EBF3: variants seen among roughly 807,000 people sequenced by gnomAD.
EBF3 encodes the protein EBF transcription factor 3.
EBF3 carries 18 observed loss-of-function variants against 77.1 expected under a neutral mutation model. The observed-to-expected ratio is 0.23, with a 90% CI of 0.16 to 0.35. The LOEUF (loss-of-function observed/expected upper bound fraction) is 0.35, where lower values mean the gene tolerates loss of function less well. Among genes scored for constraint, EBF3 ranks in the 10% least tolerant of loss-of-function variants. The pLI is 1.00. For synonymous variants in EBF3, 350 were observed against 343.5 expected (o/e 1.02, Z -0.21); for missense variants, 558 against 860.0 (o/e 0.65, Z 4.39).
chr10:129,887,602 C>T (rs190323436), intron 6 of EBF3, among the ~76,000 whole-genome samples: 26 of 152,220 alleles, frequency 1.7e-4, no homozygotes, highest in African/African-American at 5.1e-4. Context: ...AGCAAAGATC[C>T]GTGTTTCTGA....
At chr10:129,840,736 T>C (rs1849976665) in intron 14 of EBF3, 108 bp downstream of exon 14, 3 of 1,460,118 alleles carry the variant, frequency 2.1e-6, no homozygotes, top group South Asian at 2.7e-5. Context: ...GGGCCACCCT[T>C]CCTTTTATCC....
intron 6 of EBF3, among the ~76,000 whole-genome samples, chr10:129,940,992 C>A (rs1857695210): frequency 6.6e-6 from 1 of 152,212 alleles, no homozygotes; most frequent in Non-Finnish European, 1.5e-5. Flanking sequence ...ATGGGACCCA[C>A]CCCAGCAGTG....
In EBF3 at chr10:129,868,737, C is replaced by T. The variant is rs142299579; in HGVS notation, c.782-825G>A. ...GCCCTCGGCAGCCTTGAGCAGGAGG[C>T]CAGGGCCGGGGCTGAGGGCTGCAGG... On this transcript the variant is annotated intron_variant, in intron 8 of 16. Coordinates refer to ENST00000440978, the MANE Select transcript of EBF3 (RefSeq NM_001375380.1). Among the ~76,000 whole-genome samples, 460 of 152,372 alleles carry T rather than the reference C, an allele frequency of 3.0e-3. 3 individuals carry two copies. Among genetic ancestry groups the T allele is most frequent in the Middle Eastern group, 0.01 (3 of 294 alleles).
intron 6 of EBF3, among the ~76,000 whole-genome samples, chr10:129,881,289 C>T (rs1011200371): frequency 6.6e-6 from 1 of 152,190 alleles, no homozygotes; most frequent in African/African-American, 2.4e-5. Flanking sequence ...GTGTGTCTCT[C>T]GTTGCATCTG....
chr10:129,873,564 G>A lies in EBF3; in HGVS notation c.669C>T (p.Gly223=). 6.4e-7 allele frequency: 1 copy of A among 1,568,174 alleles called. No homozygotes were observed. The highest frequency in any genetic ancestry group is 8.7e-7 in the Non-Finnish European group (1 of 1,154,820). Residue 223 remains glycine, a synonymous_variant, in exon 8 of 17, where the codon GGC becomes GGT. Coordinates refer to ENST00000440978, the MANE Select transcript of EBF3 (RefSeq NM_001375380.1). The part of the protein sequence containing the change: ...VVVSTTVNVD[G]HVLAVSDNMF... ...TGTTGTCTGACACGGCCAGCACGTG[G>A]CCGTCCACGTTGACTGTTGTCGATA...
intron 6 of EBF3, among the ~76,000 whole-genome samples, chr10:129,913,464 T>C (rs1307196988): frequency 6.6e-6 from 1 of 152,236 alleles, no homozygotes; most frequent in African/African-American, 2.4e-5. Context: ...TAAACATGGA[T>C]AGTTTATTGC....
At chr10:129,910,447 C>A (rs1855449576) in intron 6 of EBF3, among the ~76,000 whole-genome samples, 1 of 152,300 alleles carries the variant, frequency 6.6e-6, no homozygotes, top group Admixed American at 6.5e-5. Flanking sequence ...TATATATTCA[C>A]AAACCAAGTC....
At chr10:129,840,117 AG>A in intron 15 of EBF3, 127 bp downstream of exon 15, 1 of 1,253,772 alleles carries the variant, frequency 8.0e-7, no homozygotes, top group Non-Finnish European at 1.1e-6. Context: ...GCACGCATCA[AG>A]GTGGGCCACG....
chr10:129,954,845 T>G (rs1858926636), intron 6 of EBF3, among the ~76,000 whole-genome samples: 1 of 152,128 alleles, frequency 6.6e-6, no homozygotes, highest in Admixed American at 6.5e-5. Flanking sequence ...GGTGGGACAT[T>G]TTATTCTGCA....
chr10:129,851,815 T>G, intron 10 of EBF3, among the ~76,000 whole-genome samples: 1 of 152,238 alleles, frequency 6.6e-6, no homozygotes, highest in East Asian at 1.9e-4. Context: ...ATCTCTTTAT[T>G]AACCGTGCCA....
chr10:129,943,344 A>G lies in EBF3; in HGVS notation c.554+13914T>C, dbSNP rs549210277. On this transcript the variant is annotated intron_variant, in intron 6 of 16. Transcript: ENST00000440978. The surrounding 1 kb of genome is among the most constrained non-coding windows in gnomAD (Gnocchi z 8.8). ...AAATTGGATTTGCCCTATCACAAAA[A>G]AAATTAATTCCAGATTGTAGTTATT... Among the ~76,000 whole-genome samples the G allele has an allele frequency of 6.6e-6, 1 of 152,264 alleles. No homozygotes were observed. The highest frequency in any genetic ancestry group is 1.5e-5 in the Non-Finnish European group (1 of 68,042).
At chr10:129,903,869 C>T (rs2134255858) in intron 6 of EBF3, among the ~76,000 whole-genome samples, 1 of 152,220 alleles carries the variant, frequency 6.6e-6, no homozygotes, top group South Asian at 2.1e-4. Flanking sequence ...AGAATTCAAT[C>T]CTAAAGTTGA....
At chr10:129,908,333 C>T (rs933232614) in intron 6 of EBF3, among the ~76,000 whole-genome samples, 1 of 152,174 alleles carries the variant, frequency 6.6e-6, no homozygotes, top group Non-Finnish European at 1.5e-5. Flanking sequence ...ATAAAGTGGA[C>T]AATTACTATT....
At chr10:129,925,462 C>A (rs1443628631) in intron 6 of EBF3, among the ~76,000 whole-genome samples, 1 of 151,776 alleles carries the variant, frequency 6.6e-6, no homozygotes, top group Admixed American at 6.6e-5. Flanking sequence ...CGTGGTGGTG[C>A]ATGCCTGTAA....
rs1850011075 is a variant in EBF3, at chr10:129,841,049, C to CCA, written c.1373-18_1373-17insTG. The CCA allele has an allele frequency of 3.7e-6, 6 of 1,604,718 alleles. No individual in the cohort carries two copies. The East Asian group carries it at 1.3e-4, about 36-fold the overall frequency. On this transcript the variant is annotated splice_polypyrimidine_tract_variant and intron_variant, in intron 13 of 16. Transcript: ENST00000440978. The surrounding 1 kb of genome is among the most constrained non-coding windows in gnomAD (Gnocchi z 4.6). ...TGTAGCCGACTGTTGAAATCCCCCC[C>CCA]CCGGCCAAAAATAACATTATTATCA...
chr10:129,929,317 A>T (rs992295988), intron 6 of EBF3, among the ~76,000 whole-genome samples: 1 of 152,006 alleles, frequency 6.6e-6, no homozygotes, highest in Non-Finnish European at 1.5e-5. Context: ...CCATCCTCCA[A>T]CCTCAGCCTC....
rs1589886859 is a variant in EBF3, at chr10:129,930,522, A to G, written c.554+26736T>C. ...TCTATATCTGTCTATATCTATCTCT[A>G]TATTAACAAATCCCCCTCTCATATA... On this transcript the variant is annotated intron_variant, in intron 6 of 16. Coordinates refer to ENST00000440978, the MANE Select transcript of EBF3 (RefSeq NM_001375380.1). 4.1e-5 allele frequency among the ~76,000 whole-genome samples: 6 copies of G among 147,502 alleles called. No homozygotes were observed. In the South Asian group the frequency reaches 1.1e-3, roughly 27 times the overall value.
At chr10:129,893,253 G>A (rs777282820) in intron 6 of EBF3, among the ~76,000 whole-genome samples, 12 of 152,284 alleles carry the variant, frequency 7.9e-5, no homozygotes, top group Non-Finnish European at 1.8e-4. Flanking sequence ...TACTCCACTT[G>A]ACAAGCCCCA....
intron 6 of EBF3, among the ~76,000 whole-genome samples, chr10:129,955,114 A>C (rs1328824644): frequency 1.3e-5 from 2 of 152,204 alleles, no homozygotes; most frequent in Non-Finnish European, 2.9e-5. Context: ...CAATACTGCA[A>C]TCATTTCACA....
Sources: allele counts gnomAD v4.1 joint callset (sites outside exome capture counted in the v4.1 genomes callset), GRCh38; gene constraint gnomAD v4.1.1; non-coding constraint Gnocchi (gnomAD v3.1); transcripts MANE v1.5; gene names NCBI Gene and HGNC (gene_info 2026-07-23, HGNC 2026-07-21).